Variants in DIPK2A observed in about 807,000 individuals in gnomAD.
DIPK2A encodes divergent protein kinase domain 2A.
Under a neutral mutation model 39.0 loss-of-function variants are expected in DIPK2A, and 27 were observed. The observed-to-expected ratio is 0.69, with a 90% confidence interval of 0.51 to 0.96. The LOEUF (loss-of-function observed/expected upper bound fraction) is 0.96. DIPK2A is among the 40% of genes least tolerant of loss of function. DIPK2A has a pLI of 0.00. For synonymous variants in DIPK2A, 298 were observed against 240.8 expected (o/e 1.24, Z -2.20); for missense variants, 528 against 571.3 (o/e 0.92, Z 0.77).
Position 143,972,052 on chromosome 3 carries a change from C to T in DIPK2A, c.-281C>T, listed in dbSNP as rs1304053144. ...CCCCTCCCGCTCCTCTATAACTTGG[C>T]TGGCGTGGAGGAGGCGCCGCCGGAG... On this transcript the variant is annotated 5_prime_UTR_variant, in exon 1 of 3. Transcript: ENST00000315691. 5.5e-6 allele frequency: 2 copies of T among 363,064 alleles called. No individual in the cohort carries two copies. Among genetic ancestry groups the T allele is most frequent in the African/African-American group, 4.2e-5 (2 of 47,790 alleles). The allele number at this position is 363,064 out of a possible 1,614,324, so 22.5% of individuals were successfully genotyped here.
chr3:143,984,669 T>C (rs1363283974), intron 1 of DIPK2A, among the ~76,000 whole-genome samples: 1 of 128,282 alleles, frequency 7.8e-6, no homozygotes, highest in Admixed American at 7.6e-5. Flanking sequence ...AAATGAGTGT[T>C]CATGGTCATG....
At chr3:143,973,538 G>A (rs2087688364) in intron 1 of DIPK2A, 2 of 1,551,278 alleles carry the variant, frequency 1.3e-6, no homozygotes, top group African/African-American at 2.7e-5. Flanking sequence ...GGAGGATGAA[G>A]TCGGAGAACG....
intron 1 of DIPK2A, among the ~76,000 whole-genome samples, chr3:143,984,726 TA>T (rs1295881803): frequency 6.6e-6 from 1 of 152,120 alleles, no homozygotes; most frequent in Non-Finnish European, 1.5e-5. Flanking sequence ...CCAGTAGTTT[TA>T]AAATCCATTA....
In DIPK2A at chr3:143,972,159, C is replaced by T; in HGVS notation, c.-174C>T. 2.0e-6 allele frequency: 1 copy of T among 488,802 alleles called. No homozygotes were observed. The highest frequency in any genetic ancestry group is 6.1e-5 in the South Asian group (1 of 16,286). 30.3% of individuals were successfully genotyped at this position (488,802 alleles called of 1,614,324 possible). ...GGAGAAGTCGCAGCCCGCTCAGGCC[C>T]GCGCCTTCCCGCTCCCCGTCTTCCT... On this transcript the variant is annotated 5_prime_UTR_variant, in exon 1 of 3. Transcript: ENST00000315691.
chr3:143,981,194 G>T (rs1161325745), intron 1 of DIPK2A, among the ~76,000 whole-genome samples: 6 of 152,230 alleles, frequency 3.9e-5, no homozygotes, highest in Non-Finnish European at 8.8e-5. Context: ...TTAGAATAAG[G>T]TAAATATACC....
At chr3:143,989,422 C>G in intron 2 of DIPK2A, 88 bp from the exon 3 acceptor site, 1 of 738,932 alleles carries the variant, frequency 1.4e-6, no homozygotes, top group African/African-American at 1.8e-5. Flanking sequence ...AGAACAAATA[C>G]TATTAATTAG....
chr3:143,989,943 C>T lies in DIPK2A; in HGVS notation c.*102C>T, dbSNP rs1277350167. On this transcript the variant is annotated 3_prime_UTR_variant, in exon 3 of 3. Coordinates refer to ENST00000315691, the MANE Select transcript of DIPK2A (RefSeq NM_173552.5). ...AAATGAAATTTGGAAGTGTTACATTCAGAGGATGATAAACTTGCACTGATA... is the reference window on the plus strand; with the variant it reads ...AAATGAAATTTGGAAGTGTTACATTTAGAGGATGATAAACTTGCACTGATA... The T allele has an allele frequency of 3.6e-6, 3 of 842,476 alleles. No homozygotes were observed. Among genetic ancestry groups the T allele is most frequent in the Non-Finnish European group, 5.5e-6 (3 of 542,872 alleles). 52.2% of individuals were successfully genotyped at this position (842,476 alleles called of 1,614,324 possible).
intron 1 of DIPK2A, among the ~76,000 whole-genome samples, chr3:143,981,031 A>G (rs964336051): frequency 2.6e-5 from 4 of 152,192 alleles, no homozygotes; most frequent in Non-Finnish European, 4.4e-5. Flanking sequence ...AACAATACCA[A>G]AATGTATTCT....
Position 143,972,883 on chromosome 3 carries a change from C to G in DIPK2A, c.551C>G (p.Ala184Gly). Residue 184 changes from alanine to glycine, a missense_variant, in exon 1 of 3, where the codon GCG becomes GGG. By Grantham distance (60) the Ala-to-Gly change is moderately conservative. Coordinates refer to ENST00000315691, the MANE Select transcript of DIPK2A (RefSeq NM_173552.5). ...CTCGACCGCCTGGTGCGCCGCTACGCGGAGACCAAGGACTCGGGCAGCTTC... is the reference window on the plus strand; with the variant it reads ...CTCGACCGCCTGGTGCGCCGCTACGGGGAGACCAAGGACTCGGGCAGCTTC... The part of the protein sequence containing the change: ...RLLDRLVRRY[A>G]ETKDSGSFLL... 1.3e-6 allele frequency: 2 copies of G among 1,579,172 alleles called. No homozygotes were observed. The highest frequency in any genetic ancestry group is 1.7e-6 in the Non-Finnish European group (2 of 1,164,784).
chr3:143,988,862 G>T (rs1394793324), intron 2 of DIPK2A, among the ~76,000 whole-genome samples: 2 of 152,008 alleles, frequency 1.3e-5, no homozygotes, highest in East Asian at 3.9e-4. Flanking sequence ...TTTTCATTCT[G>T]GGCCATCTAT....
rs367936756 is a variant in DIPK2A at position 143,991,869 on chromosome 3, G to A, written c.*2028G>A. ...AGTCACAAAGAGGTTGTCTGTCTATGGTTTAGCAAACATTTGCTTTTCTTT... is the reference window on the plus strand; with the variant it reads ...AGTCACAAAGAGGTTGTCTGTCTATAGTTTAGCAAACATTTGCTTTTCTTT... On this transcript the variant is annotated 3_prime_UTR_variant, in exon 3 of 3. Transcript: ENST00000315691. 5 of 152,152 alleles carry A rather than the reference G, an allele frequency of 3.3e-5. No individual in the cohort carries two copies. The South Asian group carries it at 6.2e-4, about 19-fold the overall frequency. The allele number at this position is 152,152 out of a possible 1,614,324, so 9.4% of individuals were successfully genotyped here.
chr3:143,978,602 C>CTATA (rs57854747), intron 1 of DIPK2A: 1 of 137,538 alleles, frequency 7.3e-6, no homozygotes, highest in Non-Finnish European at 1.6e-5. Flanking sequence ...ATCTATCTAT[C>CTATA]TATATATATA....
At chr3:143,980,510 G>A (rs1193583664) in intron 1 of DIPK2A, among the ~76,000 whole-genome samples, 2 of 151,974 alleles carry the variant, frequency 1.3e-5, no homozygotes, top group African/African-American at 2.4e-5. Flanking sequence ...TAGGTGATCT[G>A]CCCACTTAGG....
intron 1 of DIPK2A, 116 bp from the exon 2 acceptor site, chr3:143,985,427 T>C (rs2087885188): frequency 1.1e-6 from 1 of 872,256 alleles, no homozygotes; most frequent in Non-Finnish European, 1.8e-6. Flanking sequence ...AACTGTTGAA[T>C]GTAATAAGAA....
At chr3:143,983,194 G>T (rs1301155236) in intron 1 of DIPK2A, among the ~76,000 whole-genome samples, 1 of 152,106 alleles carries the variant, frequency 6.6e-6, no homozygotes, top group Non-Finnish European at 1.5e-5. Context: ...AGATATTCAG[G>T]ACTTGAACTC....
intron 1 of DIPK2A, among the ~76,000 whole-genome samples, chr3:143,975,522 T>C (rs944075575): frequency 1.3e-5 from 2 of 152,120 alleles, no homozygotes; most frequent in African/African-American, 2.4e-5. Flanking sequence ...CAAAAGTTGC[T>C]GTACAGTAAG....
intron 2 of DIPK2A, among the ~76,000 whole-genome samples, chr3:143,986,523 G>C (rs1235465601): frequency 6.6e-6 from 1 of 152,050 alleles, no homozygotes; most frequent in Non-Finnish European, 1.5e-5. Flanking sequence ...AGGAGATCGA[G>C]ACCATCCTGG....
intron 2 of DIPK2A, among the ~76,000 whole-genome samples, chr3:143,989,219 T>C (rs529498985): frequency 5.3e-5 from 8 of 152,332 alleles, no homozygotes; most frequent in African/African-American, 1.9e-4. Flanking sequence ...AATTCCCCAC[T>C]ATTCCTGTAG....
At position 143,988,191 on chromosome 3, in the gene DIPK2A, C is replaced by T. The variant is rs527737065; in HGVS notation, c.962-1319C>T. On this transcript the variant is annotated intron_variant, in intron 2 of 2. Coordinates refer to ENST00000315691, the MANE Select transcript of DIPK2A (RefSeq NM_173552.5). ...ACGGCTCACTGCAGCCTTGACCTCC[C>T]TGGCTCAAGTGATCTTCCTGCCTCA... is the stretch of plus-strand genomic sequence containing the variant. Among the ~76,000 whole-genome samples, 3 of 152,066 alleles carry T rather than the reference C, an allele frequency of 2.0e-5. No individual in the cohort carries two copies. The South Asian group carries it at 6.2e-4, about 32-fold the overall frequency.
Sources: gnomAD v4.1 joint callset for allele counts (sites outside exome capture counted in the v4.1 genomes callset) on GRCh38, gnomAD v4.1.1 for gene constraint, MANE v1.5 for transcripts, NCBI Gene and HGNC (gene_info 2026-07-23, HGNC 2026-07-21) for gene names.